The following IMMT variants were observed in gnomAD, a reference collection of about 807,000 sequenced individuals.
IMMT encodes inner membrane mitochondrial protein.
A neutral mutation model predicts 92.7 loss-of-function variants in IMMT; 40 were observed. The ratio of observed to expected loss-of-function variants is 0.43; its 90% CI spans 0.34 to 0.56. The LOEUF is 0.56. IMMT is among the 20% of genes least tolerant of loss of function. IMMT has a pLI of 0.03. For missense variants in IMMT, 831 were observed against 912.1 expected, an observed-to-expected ratio of 0.91 and a Z score of 1.14; for synonymous variants, 322 against 336.1, an observed-to-expected ratio of 0.96 and a Z score of 0.46.
intron 8 of IMMT, among the ~76,000 whole-genome samples, chr2:86,160,722 T>A (rs1265023329): frequency 6.6e-6 from 1 of 152,242 alleles, no homozygotes; most frequent in Non-Finnish European, 1.5e-5. Context: ...GCTTGCTCAA[T>A]CCTAGTTTTA....
chr2:86,161,164 T>C (rs1238046849), intron 8 of IMMT, among the ~76,000 whole-genome samples: 1 of 151,792 alleles, frequency 6.6e-6, no homozygotes, highest in Non-Finnish European at 1.5e-5. Flanking sequence ...ATTTTATATA[T>C]ATACATTTTG....
intron 7 of IMMT, among the ~76,000 whole-genome samples, chr2:86,164,223 A>C (rs1360575677): frequency 3.3e-5 from 5 of 150,878 alleles, no homozygotes; most frequent in Non-Finnish European, 7.4e-5. Flanking sequence ...ATGCCCAGCT[A>C]ATTTTATATT....
At chr2:86,150,441 G>A (rs1675382297) in intron 12 of IMMT, among the ~76,000 whole-genome samples, 1 of 152,242 alleles carries the variant, frequency 6.6e-6, no homozygotes, top group Non-Finnish European at 1.5e-5. Flanking sequence ...AAGGCCAGAA[G>A]AGTATGGTGT....
In IMMT at chr2:86,153,583, GA is replaced by G; in HGVS notation, c.1163-10del. On this transcript the variant is annotated splice_polypyrimidine_tract_variant and intron_variant, in intron 10 of 14. Transcript: ENST00000410111. ...ACCTAAGTCTGAAACACCTACAAAGGAAAAAATAGAACAGTTTGAAAAAAAA... is the reference window on the plus strand; with the variant it reads ...ACCTAAGTCTGAAACACCTACAAAGGAAAAATAGAACAGTTTGAAAAAAAA... The G allele has an allele frequency of 3.5e-6, 5 of 1,446,236 alleles. No homozygotes were observed. Among genetic ancestry groups the G allele is most frequent in the Non-Finnish European group, 4.7e-6 (5 of 1,070,394 alleles). The allele number at this position is 1,446,236 out of a possible 1,614,324, so 89.6% of individuals were successfully genotyped here. A position where few individuals can be genotyped will look rare whatever the true frequency, so the allele number is the denominator to read the frequency against.
intron 9 of IMMT, among the ~76,000 whole-genome samples, chr2:86,159,092 A>AAT (rs1553446611): frequency 1.4e-5 from 2 of 145,966 alleles, no homozygotes; most frequent in Non-Finnish European, 3.0e-5. Flanking sequence ...AAAAAAAAAA[A>AAT]TTTTTTTTTT....
rs998818500 is a variant in IMMT at position 86,179,391 on chromosome 2, G to A, written c.309+42C>T. On this transcript the variant is annotated intron_variant, in intron 3 of 14. Transcript: ENST00000410111. ...AACATGAAAACAACTTGCTTTTAAA[G>A]TATTTCATTGGATAAACTGAAATAT... 7 of 1,427,296 alleles carry A rather than the reference G, an allele frequency of 4.9e-6. No homozygotes were observed. In the African/African-American group the frequency reaches 8.7e-5, roughly 18 times the overall value. 88.4% of individuals were successfully genotyped at this position (1,427,296 alleles called of 1,614,324 possible). A position where few individuals can be genotyped will look rare whatever the true frequency, so the allele number is the denominator to read the frequency against.
chr2:86,148,529 G>A (rs1221988098), intron 12 of IMMT, among the ~76,000 whole-genome samples: 5 of 152,080 alleles, frequency 3.3e-5, no homozygotes, highest in Non-Finnish European at 7.4e-5. Context: ...GGAGAATGGC[G>A]TGAACCGAGG....
chr2:86,147,630 A>C, intron 13 of IMMT, 72 bp downstream of exon 13: 1 of 1,469,646 alleles, frequency 6.8e-7, no homozygotes, highest in Non-Finnish European at 9.2e-7. Context: ...CTCAGAGTAC[A>C]TTAAAAGGAA....
intron 6 of IMMT, among the ~76,000 whole-genome samples, chr2:86,168,941 T>C (rs531494294): frequency 1.3e-5 from 2 of 152,294 alleles, no homozygotes; most frequent in African/African-American, 2.4e-5. Flanking sequence ...GTACAGGCAG[T>C]TGTGAACCAC....
chr2:86,151,224 G>C, intron 12 of IMMT, 73 bp downstream of exon 12: 1 of 1,293,660 alleles, frequency 7.7e-7, no homozygotes, highest in Non-Finnish European at 1.1e-6. Flanking sequence ...GGCTGAGCCA[G>C]TATTATTTCT....
Position 86,153,590 on chromosome 2 carries a change from T to G in IMMT, c.1163-16A>C. 3 of 1,437,898 alleles carry G rather than the reference T, an allele frequency of 2.1e-6. No individual in the cohort carries two copies. Among genetic ancestry groups the G allele is most frequent in the Non-Finnish European group, 2.8e-6 (3 of 1,064,708 alleles). 89.1% of individuals were successfully genotyped at this position (1,437,898 alleles called of 1,614,324 possible). The stretch of plus-strand genomic sequence containing the variant: ...TCTGAAACACCTACAAAGGAAAAAA[T>G]AGAACAGTTTGAAAAAAAAGAATGC... On this transcript the variant is annotated splice_polypyrimidine_tract_variant and intron_variant, in intron 10 of 14. Coordinates refer to ENST00000410111, the MANE Select transcript of IMMT (RefSeq NM_006839.3).
intron 3 of IMMT, among the ~76,000 whole-genome samples, chr2:86,174,696 C>T (rs959664522): frequency 6.6e-6 from 1 of 151,810 alleles, no homozygotes; most frequent in African/African-American, 2.4e-5. Context: ...CTTAAACAAA[C>T]CAAAATAGGG....
intron 10 of IMMT, 41 bp from the exon 11 acceptor site, chr2:86,153,615 C>CA (rs1360155776): frequency 3.0e-6 from 4 of 1,318,410 alleles, no homozygotes; most frequent in Non-Finnish European, 3.1e-6. Flanking sequence ...AAAAAGAATG[C>CA]ACATACTTTA....
At chr2:86,163,587 C>A (rs1245167818) in intron 7 of IMMT, among the ~76,000 whole-genome samples, 1 of 152,128 alleles carries the variant, frequency 6.6e-6, no homozygotes, top group Non-Finnish European at 1.5e-5. Flanking sequence ...CCTTCAAGTT[C>A]AATGAGCCCC....
intron 3 of IMMT, among the ~76,000 whole-genome samples, chr2:86,178,108 G>A (rs1677557854): frequency 1.3e-5 from 2 of 151,896 alleles, no homozygotes; most frequent in African/African-American, 4.8e-5. Context: ...GAGGTCAGGA[G>A]ATCGAGATCA....
Position 86,195,415 on chromosome 2 carries a change from C to G in IMMT, c.-33G>C, listed in dbSNP as rs750141524. The G allele has an allele frequency of 6.5e-7, 1 of 1,543,138 alleles. No individual in the cohort carries two copies. Among genetic ancestry groups the G allele is most frequent in the East Asian group, 2.5e-5 (1 of 40,514 alleles). On this transcript the variant is annotated 5_prime_UTR_variant, in exon 1 of 15. Coordinates refer to ENST00000410111, the MANE Select transcript of IMMT (RefSeq NM_006839.3). ...AAGCGGACGGCGCTGCTGGTGGACT[C>G]GAGCTGCCGCGGCGGCGCGAGTTAA...
At chr2:86,172,277 T>C (rs1435482619) in intron 4 of IMMT, among the ~76,000 whole-genome samples, 1 of 151,896 alleles carries the variant, frequency 6.6e-6, no homozygotes, top group Non-Finnish European at 1.5e-5. Flanking sequence ...GCCTTGGTTT[T>C]AAAGTAACAG....
At chr2:86,182,770 G>C (rs538113501) in intron 1 of IMMT, among the ~76,000 whole-genome samples, 3 of 138,170 alleles carry the variant, frequency 2.2e-5, no homozygotes, top group Non-Finnish European at 4.8e-5. Flanking sequence ...ACTTGAGCTT[G>C]AGCCCCGGAG....
chr2:86,171,227 T>C lies in IMMT; in HGVS notation c.540A>G (p.Lys180=), dbSNP rs201381729. The change falls in exon 5 of 15, where the codon AAA becomes AAG. Residue 180 remains lysine (K), a synonymous_variant. Transcript: ENST00000410111. Reference sequence around the variant, plus strand: ...AATTACCTGAAAGTGCAGGTGTGGGTTTTCCTTCACCAATTTCAGGGTGAT... The same window carrying C: ...AATTACCTGAAAGTGCAGGTGTGGGCTTTCCTTCACCAATTTCAGGGTGAT... ...KTDHPEIGEG[K]PTPALSEEAS... is the part of the protein sequence containing the mutation. 6.3e-7 allele frequency: 1 copy of C among 1,597,494 alleles called. No individual in the cohort carries two copies. The highest frequency in any genetic ancestry group is 2.2e-5 in the East Asian group (1 of 44,518).
Sources: gnomAD v4.1 joint callset for allele counts (sites outside exome capture counted in the v4.1 genomes callset) on GRCh38, gnomAD v4.1.1 for gene constraint, MANE v1.5 for transcripts, NCBI Gene and HGNC (gene_info 2026-07-23, HGNC 2026-07-21) for gene names.